Variants in SYT1 observed in about 807,000 individuals in gnomAD.
SYT1 encodes synaptotagmin-1.
A neutral mutation model predicts 44.8 loss-of-function variants in SYT1; 8 were observed. The observed-to-expected ratio is 0.18, with a 90% CI of 0.10 to 0.32. The LOEUF (loss-of-function observed/expected upper bound fraction) is 0.32. Among genes scored for constraint, SYT1 ranks in the 10% least tolerant of loss-of-function variants. The probability of loss-of-function intolerance (pLI) is 1.00; values close to 1 mark genes in which losing one functional copy is unlikely to be tolerated. For missense variants in SYT1, 286 were observed against 509.3 expected (o/e 0.56, Z 4.22); for synonymous variants, 154 against 188.8 (o/e 0.82, Z 1.51).
chr12:79,012,131 C>CAAAA (rs374383589), intron 2 of SYT1, among the ~76,000 whole-genome samples: 39 of 73,504 alleles, frequency 5.3e-4, no homozygotes, highest in African/African-American at 1.6e-3. Context: ...GATTCTGTCT[C>CAAAA]AAAAAAAAAA....
At chr12:79,344,509 G>A (rs1882519871) in intron 8 of SYT1, among the ~76,000 whole-genome samples, 1 of 152,132 alleles carries the variant, frequency 6.6e-6, no homozygotes, top group Non-Finnish European at 1.5e-5. Flanking sequence ...CTAAACTACA[G>A]TGGCACGATC....
chr12:78,897,839 G>T (rs895358342), intron 1 of SYT1, among the ~76,000 whole-genome samples: 3 of 151,962 alleles, frequency 2.0e-5, no homozygotes, highest in Non-Finnish European at 4.4e-5. Flanking sequence ...GCCTTTGTTG[G>T]TTTTTATTTC....
chr12:79,399,447 A>G (rs1046840037), intron 9 of SYT1, among the ~76,000 whole-genome samples: 2 of 152,174 alleles, frequency 1.3e-5, no homozygotes, highest in African/African-American at 4.8e-5. Context: ...GTATTCAAAT[A>G]TGTTTCAAAT....
chr12:79,252,014 T>G (rs1417036601), intron 4 of SYT1, among the ~76,000 whole-genome samples: 1 of 83,114 alleles, frequency 1.2e-5, no homozygotes, highest in Admixed American at 1.3e-4. Context: ...ATAGATAATA[T>G]ATAGACAGAT....
At chr12:78,912,135 G>A (rs1305705241) in intron 1 of SYT1, among the ~76,000 whole-genome samples, 1 of 151,836 alleles carries the variant, frequency 6.6e-6, no homozygotes, top group Non-Finnish European at 1.5e-5. Flanking sequence ...GGAATGTTAG[G>A]TGTATCTGTC....
chr12:79,397,294 A>G (rs971028057), intron 9 of SYT1, among the ~76,000 whole-genome samples: 6 of 152,074 alleles, frequency 3.9e-5, no homozygotes, highest in Admixed American at 1.3e-4. Flanking sequence ...CAGTGGCACA[A>G]TCACGGCTCA....
At chr12:78,873,998 C>CA (rs1361650975) in intron 1 of SYT1, among the ~76,000 whole-genome samples, 2 of 151,504 alleles carry the variant, frequency 1.3e-5, no homozygotes, top group Admixed American at 6.6e-5. Context: ...AGAAAGAATA[C>CA]AAAATTATAT....
At chr12:79,350,179 G>A (rs920958329) in intron 8 of SYT1, among the ~76,000 whole-genome samples, 1 of 151,464 alleles carries the variant, frequency 6.6e-6, no homozygotes, top group Non-Finnish European at 1.5e-5. Flanking sequence ...TGACACAGAA[G>A]TCCAGATCGT....
intron 3 of SYT1, among the ~76,000 whole-genome samples, chr12:79,182,627 A>G (rs1018001089): frequency 1.3e-5 from 2 of 152,110 alleles, no homozygotes; most frequent in African/African-American, 2.4e-5. Context: ...AGACCAACAC[A>G]TATTGCAGTT....
At chr12:79,403,998 T>G (rs952319194) in intron 9 of SYT1, among the ~76,000 whole-genome samples, 1 of 152,200 alleles carries the variant, frequency 6.6e-6, no homozygotes, top group African/African-American at 2.4e-5. Flanking sequence ...TCATTAAATA[T>G]ATCAAGATAA....
chr12:79,358,880 C>A lies in SYT1; in HGVS notation c.928+5261C>A, dbSNP rs545869154. 4.6e-5 allele frequency among the ~76,000 whole-genome samples: 7 copies of A among 152,228 alleles called. No homozygotes were observed. The South Asian group carries it at 1.5e-3, about 32-fold the overall frequency. On this transcript the variant is annotated intron_variant, in intron 9 of 10. Coordinates refer to ENST00000261205, the MANE Select transcript of SYT1 (RefSeq NM_005639.3). Reference sequence around the variant, plus strand: ...TGGGGAAAATGTTCGTAACTGTAAACCCTTAAGGATACTCCTAGTCAAATA... The same window carrying A: ...TGGGGAAAATGTTCGTAACTGTAAAACCTTAAGGATACTCCTAGTCAAATA...
At chr12:79,438,507 G>A (rs1346865613) in intron 9 of SYT1, among the ~76,000 whole-genome samples, 2 of 152,204 alleles carry the variant, frequency 1.3e-5, no homozygotes, top group East Asian at 3.9e-4. Context: ...TGCCAGAATA[G>A]GACTAAATGA....
chr12:79,159,619 GA>G (rs946446511), intron 3 of SYT1, among the ~76,000 whole-genome samples: 21 of 151,952 alleles, frequency 1.4e-4, no homozygotes, highest in Admixed American at 5.9e-4. Context: ...GTATATGTAG[GA>G]AAAAAATAGT....
chr12:79,019,374 G>A (rs557636413), intron 2 of SYT1, among the ~76,000 whole-genome samples: 70 of 152,006 alleles, frequency 4.6e-4, no homozygotes, highest in Non-Finnish European at 8.7e-4. Flanking sequence ...TAACTAGTTT[G>A]AATTACCATC....
intron 8 of SYT1, 80 bp from the exon 9 acceptor site, chr12:79,353,422 A>G: frequency 9.1e-7 from 1 of 1,095,030 alleles, no homozygotes; most frequent in Non-Finnish European, 1.4e-6. Context: ...CCTCCTCTTG[A>G]AGAATTTACA....
intron 8 of SYT1, among the ~76,000 whole-genome samples, chr12:79,305,005 TTC>T (rs1205472112): frequency 6.6e-6 from 1 of 152,172 alleles, no homozygotes; most frequent in African/African-American, 2.4e-5. Flanking sequence ...TGGTTAGAAT[TTC>T]TGTCACCAAT....
Position 79,278,949 on chromosome 12 carries a change from G to GA in SYT1, c.167-6836dup, listed in dbSNP as rs549133497. Among the ~76,000 whole-genome samples, 22 of 149,304 alleles carry GA rather than the reference G, an allele frequency of 1.5e-4. No individual in the cohort carries two copies. In the South Asian group the frequency reaches 3.6e-3, roughly 25 times the overall value. On this transcript the variant is annotated intron_variant, in intron 4 of 10. Coordinates refer to ENST00000261205, the MANE Select transcript of SYT1 (RefSeq NM_005639.3). The stretch of plus-strand genomic sequence containing the variant: ...AAAAACATATAGCCCCCCCAAGCCT[G>GA]AATCAGGAAGAAATAGAACTCTTGA...
chr12:79,314,703 A>G (rs191191786), intron 8 of SYT1, among the ~76,000 whole-genome samples: 5 of 152,354 alleles, frequency 3.3e-5, no homozygotes, highest in African/African-American at 9.6e-5. Context: ...CTATCCAACA[A>G]TTCTACTAAG....
At chr12:79,019,066 A>C (rs935548978) in intron 2 of SYT1, among the ~76,000 whole-genome samples, 1 of 152,018 alleles carries the variant, frequency 6.6e-6, no homozygotes, top group Non-Finnish European at 1.5e-5. Context: ...GCCAAACCTC[A>C]ATTTTATATT....
Sources: gnomAD v4.1 joint callset for allele counts (sites outside exome capture counted in the v4.1 genomes callset) on GRCh38, gnomAD v4.1.1 for gene constraint, MANE v1.5 for transcripts, NCBI Gene and HGNC (gene_info 2026-07-23, HGNC 2026-07-21) for gene names.